INSL6: variants seen among roughly 807,000 people sequenced by gnomAD.
INSL6 encodes insulin-like peptide INSL6.
INSL6 carries 16 observed loss-of-function variants against 9.4 expected under a neutral mutation model. The ratio of observed to expected loss-of-function variants is 1.70; its 90% CI spans 1.15 to 2.59. The LOEUF (loss-of-function observed/expected upper bound fraction) is 2.59. Among genes scored for constraint, INSL6 ranks in the 30% most tolerant of loss-of-function variants. INSL6 has a pLI of 0.00. For missense variants in INSL6, 391 were observed against 257.3 expected, an observed-to-expected ratio of 1.52 and a Z score of -3.56; for synonymous variants, 154 against 96.9, an observed-to-expected ratio of 1.59 and a Z score of -3.46.
chr9:5,089,492 C>G, the INSL6 span, among the ~76,000 whole-genome samples: 1 of 126,648 alleles, frequency 7.9e-6, no homozygotes, highest in South Asian at 2.6e-4. Context: ...GAGCCGAGAT[C>G]GTGCCACTGC....
downstream of INSL6, among the ~76,000 whole-genome samples, chr9:5,160,466 T>C (rs928168643): frequency 5.9e-5 from 9 of 152,120 alleles, no homozygotes; most frequent in African/African-American, 2.2e-4. Context: ...GAGAGAAGAA[T>C]GTAGCTAAAA....
At chr9:5,074,129 A>G in the INSL6 span, among the ~76,000 whole-genome samples, 1 of 152,168 alleles carries the variant, frequency 6.6e-6, no homozygotes, top group African/African-American at 2.4e-5. Context: ...ATCTGGAATT[A>G]TGAAGACAAA....
intron 3 of INSL6, among the ~76,000 whole-genome samples, chr9:5,124,548 G>GA (rs1823850324): frequency 1.3e-5 from 2 of 151,634 alleles, no homozygotes; most frequent in South Asian, 4.2e-4. Flanking sequence ...CACAGAATTA[G>GA]AAAAAACAAT....
chr9:5,144,933 G>C (rs906157489), intron 2 of INSL6, among the ~76,000 whole-genome samples: 3 of 152,160 alleles, frequency 2.0e-5, no homozygotes, highest in Admixed American at 1.3e-4. Context: ...TTGCCACTCT[G>C]TGTCTTTGGG....
chr9:5,037,108 G>C, the INSL6 span, among the ~76,000 whole-genome samples: 1 of 152,184 alleles, frequency 6.6e-6, no homozygotes, highest in Non-Finnish European at 1.5e-5. Context: ...ATGAAAAAAT[G>C]CTCATCACCA....
At chr9:5,182,504 G>A (rs1825479864) in intron 1 of INSL6, among the ~76,000 whole-genome samples, 1 of 151,994 alleles carries the variant, frequency 6.6e-6, no homozygotes, top group Non-Finnish European at 1.5e-5. Flanking sequence ...CTTCATGAGG[G>A]TAGGAGCCTT....
the INSL6 span, among the ~76,000 whole-genome samples, chr9:5,083,480 T>C: frequency 1.3e-5 from 2 of 152,206 alleles, no homozygotes; most frequent in Non-Finnish European, 2.9e-5. Flanking sequence ...CCAGATGTCA[T>C]TGATTTTCCT....
chr9:5,067,320 C>T, the INSL6 span, among the ~76,000 whole-genome samples: 1 of 152,056 alleles, frequency 6.6e-6, no homozygotes, highest in Non-Finnish European at 1.5e-5. Flanking sequence ...TGCAATGAAA[C>T]CCCACTGTTA....
intron 2 of INSL6, among the ~76,000 whole-genome samples, chr9:5,153,664 C>G (rs148893226): frequency 6.6e-6 from 1 of 152,176 alleles, no homozygotes; most frequent in African/African-American, 2.4e-5. Context: ...AAGTCACAAG[C>G]ATTCTTATAC....
the INSL6 span, among the ~76,000 whole-genome samples, chr9:5,071,645 A>C: frequency 6.6e-6 from 1 of 152,168 alleles, no homozygotes; most frequent in Non-Finnish European, 1.5e-5. Context: ...GGATTATATG[A>C]AAGAGGGATT....
the INSL6 span, chr9:5,100,657 G>A: frequency 6.6e-6 from 1 of 152,152 alleles, no homozygotes; most frequent in Admixed American, 6.5e-5. Context: ...TTTGCATCAG[G>A]AGTTTCAGTT....
downstream of INSL6, among the ~76,000 whole-genome samples, chr9:5,122,839 A>C (rs557882962): frequency 7.0e-6 from 1 of 143,210 alleles, no homozygotes; most frequent in African/African-American, 2.6e-5. Context: ...CTAAGTTCAC[A>C]GGTGCCAGGC....
downstream of INSL6, among the ~76,000 whole-genome samples, chr9:5,120,773 T>C (rs796284774): frequency 2.0e-5 from 3 of 152,312 alleles, no homozygotes; most frequent in African/African-American, 7.2e-5. Flanking sequence ...TAAAGGGACT[T>C]AGTGGGTCAT....
In INSL6 at chr9:5,178,713, C is replaced by A. The variant is rs368080394; in HGVS notation, c.289+6601G>T. On this transcript the variant is annotated intron_variant, in intron 1 of 1. Transcript: ENST00000381641. ...CTCAAATAAAACCACACACCACACA[C>A]CTACAACCATACGATCTTGGACAAA... 8.5e-5 allele frequency among the ~76,000 whole-genome samples: 13 copies of A among 152,224 alleles called. No individual in the cohort carries two copies. In the East Asian group the frequency reaches 1.7e-3, roughly 20 times the overall value.
chr9:4,994,001 G>A, the INSL6 span, among the ~76,000 whole-genome samples: 1 of 152,182 alleles, frequency 6.6e-6, no homozygotes, highest in African/African-American at 2.4e-5. Context: ...TCTAGGGTTG[G>A]TTCCCACCTT....
the INSL6 span, chr9:5,108,655 G>A: frequency 5.3e-5 from 8 of 151,928 alleles, no homozygotes; most frequent in South Asian, 4.2e-4. Flanking sequence ...GGTATAATAC[G>A]GCTTACCCTT....
chr9:5,153,044 C>A (rs1385112414), intron 2 of INSL6, among the ~76,000 whole-genome samples: 1 of 152,178 alleles, frequency 6.6e-6, no homozygotes, highest in Non-Finnish European at 1.5e-5. Context: ...TCGCAATCCG[C>A]AGACCAGGAG....
At chr9:5,163,235 G>A (rs778567206), downstream of INSL6, among the ~76,000 whole-genome samples, 21 of 152,146 alleles carry the variant, frequency 1.4e-4, no homozygotes, top group African/African-American at 4.1e-4. Flanking sequence ...TGATGCTGCC[G>A]ATTTGGTAAG....
the INSL6 span, chr9:5,080,121 A>G: frequency 7.8e-6 from 7 of 896,012 alleles, no homozygotes; most frequent in Admixed American, 1.8e-4. Context: ...CAAAATAAAG[A>G]AAATAGGCCT....
Sources: allele counts gnomAD v4.1 joint callset (sites outside exome capture counted in the v4.1 genomes callset), GRCh38; gene constraint gnomAD v4.1.1; transcripts MANE v1.5; gene names NCBI Gene and HGNC (gene_info 2026-07-23, HGNC 2026-07-21).